ECT2L: variants seen among roughly 807,000 people sequenced by gnomAD.
ECT2L encodes the protein epithelial cell-transforming sequence 2 oncogene-like.
In ECT2L, 126 loss-of-function variants were observed where a neutral mutation model predicts 122.8. The ratio of observed to expected loss-of-function variants is 1.03; its 90% confidence interval spans 0.89 to 1.19. The LOEUF (loss-of-function observed/expected upper bound fraction) is 1.19. Among genes scored for constraint, ECT2L ranks in the 50% most tolerant of loss-of-function variants. ECT2L has a pLI of 0.00. For synonymous variants in ECT2L, 385 were observed against 381.8 expected, an observed-to-expected ratio of 1.01 and a Z score of -0.10; for missense variants, 1,012 against 1,064.1, an observed-to-expected ratio of 0.95 and a Z score of 0.68.
Position 138,838,527 on chromosome 6 carries a change from C to A in ECT2L, c.342+13C>A. 1 of 1,604,108 alleles carries A rather than the reference C, an allele frequency of 6.2e-7. No homozygotes were observed. The highest frequency in any genetic ancestry group is 1.1e-5 in the South Asian group (1 of 89,130). On this transcript the variant is annotated intron_variant, in intron 5 of 21. Coordinates refer to ENST00000541398, the MANE Select transcript of ECT2L (RefSeq NM_001077706.3). ...TTTAACTGAACAGGTTTACTATTTG[C>A]CACTTCCTAGTAATAGGGCACAAGT...
chr6:138,844,427 T>G lies in ECT2L; in HGVS notation c.611T>G (p.Val204Gly), dbSNP rs1448557797. ...TGTTTTTCAGAGGAGTTATTCAAAGTTCGACCCCCTTGGGTGAGTGGAACT... is the reference window on the plus strand; with the variant it reads ...TGTTTTTCAGAGGAGTTATTCAAAGGTCGACCCCCTTGGGTGAGTGGAACT... ...IALRKKELFK[V>G]RPPWVSGTCC... The change falls in exon 7 of 22, where the codon GTT (valine) becomes GGT (glycine). Residue 204 changes from valine (V) to glycine (G), a missense_variant. Val to Gly is a moderately radical substitution (Grantham distance 109). Transcript: ENST00000541398. The G allele has an allele frequency of 2.5e-6, 4 of 1,613,778 alleles. No homozygotes were observed. The South Asian group carries it at 4.4e-5, about 18-fold the overall frequency.
chr6:138,846,406 C>A, intron 7 of ECT2L, 133 bp from the exon 8 acceptor site: 1 of 715,172 alleles, frequency 1.4e-6, no homozygotes, highest in Non-Finnish European at 2.1e-6. Flanking sequence ...TCACAAAACA[C>A]AGGGTGAGGC....
intron 1 of ECT2L, among the ~76,000 whole-genome samples, chr6:138,810,598 G>A (rs1369008175): frequency 6.6e-6 from 1 of 152,194 alleles, no homozygotes; most frequent in African/African-American, 2.4e-5. Context: ...CCCTGGCATG[G>A]TCTAAAAGAG....
chr6:138,797,165 T>C (rs2128365772), intron 1 of ECT2L, among the ~76,000 whole-genome samples: 1 of 152,328 alleles, frequency 6.6e-6, no homozygotes, highest in African/African-American at 2.4e-5. Flanking sequence ...GTGTACTTAA[T>C]AAAAATTATA....
chr6:138,836,358 G>A (rs997106825), intron 4 of ECT2L, among the ~76,000 whole-genome samples: 3 of 147,588 alleles, frequency 2.0e-5, no homozygotes, highest in Non-Finnish European at 3.0e-5. Flanking sequence ...GCGCGATCTC[G>A]GCTCACTGCA....
chr6:138,892,310 T>C (rs576969294), intron 20 of ECT2L, among the ~76,000 whole-genome samples: 1 of 152,258 alleles, frequency 6.6e-6, no homozygotes, highest in East Asian at 1.9e-4. Flanking sequence ...TTTCTTAGAG[T>C]TTTGGTCTCT....
intron 12 of ECT2L, 84 bp from the exon 13 acceptor site, chr6:138,868,019 A>AAAAAAT: frequency 1.2e-6 from 1 of 833,682 alleles, no homozygotes; most frequent in Non-Finnish European, 1.8e-6. Flanking sequence ...AAAAAAAAAA[A>AAAAAAT]GAAACTGTGA....
intron 1 of ECT2L, among the ~76,000 whole-genome samples, chr6:138,807,838 T>A (rs899574999): frequency 1.3e-5 from 2 of 152,134 alleles, no homozygotes; most frequent in South Asian, 4.1e-4. Context: ...TGTATGTGGG[T>A]CTGTTTCTGA....
At chr6:138,822,775 A>T (rs1776311094) in intron 4 of ECT2L, 1 of 1,602,362 alleles carries the variant, frequency 6.2e-7, no homozygotes, top group Non-Finnish European at 8.5e-7. Context: ...CAGTCAACAG[A>T]TTATTATTAT....
In ECT2L at chr6:138,902,656, A is replaced by G; in HGVS notation, c.*29A>G. 1 of 1,611,590 alleles carries G rather than the reference A, an allele frequency of 6.2e-7. No individual in the cohort carries two copies. The highest frequency in any genetic ancestry group is 8.5e-7 in the Non-Finnish European group (1 of 1,178,918). ...CGAACTTGAAAACTTCAGGGGTGCC[A>G]ATTCTCCCCAGCAAAGACAGACAAC... On this transcript the variant is annotated 3_prime_UTR_variant, in exon 22 of 22. Coordinates refer to ENST00000541398, the MANE Select transcript of ECT2L (RefSeq NM_001077706.3).
intron 1 of ECT2L, among the ~76,000 whole-genome samples, chr6:138,800,417 G>T (rs115462086): frequency 0.014 from 2,063 of 152,310 alleles, 42 homozygotes; most frequent in African/African-American, 0.048. Flanking sequence ...GCCTCTCTTG[G>T]TATATAGAAG....
At chr6:138,820,377 A>G (rs191244882) in intron 4 of ECT2L, among the ~76,000 whole-genome samples, 193 of 152,322 alleles carry the variant, frequency 1.3e-3, no homozygotes, top group Non-Finnish European at 2.4e-3. Flanking sequence ...GTGAAGACCA[A>G]TGCTCACTGC....
intron 4 of ECT2L, among the ~76,000 whole-genome samples, chr6:138,833,146 G>T (rs1353610481): frequency 2.0e-5 from 3 of 152,104 alleles, no homozygotes; most frequent in Non-Finnish European, 2.9e-5. Context: ...CCACCACCAG[G>T]TCCCTCCCTT....
chr6:138,891,933 T>C (rs1779043992), intron 20 of ECT2L, among the ~76,000 whole-genome samples: 1 of 152,234 alleles, frequency 6.6e-6, no homozygotes, highest in Non-Finnish European at 1.5e-5. Flanking sequence ...TGTAGACTTT[T>C]TTTAAAATCC....
chr6:138,857,119 ATCT>A (rs1314110449), intron 10 of ECT2L, among the ~76,000 whole-genome samples: 1 of 152,170 alleles, frequency 6.6e-6, no homozygotes, highest in African/African-American at 2.4e-5. Flanking sequence ...GTTGCCTTTC[ATCT>A]TCTCCAGACT....
At position 138,902,520 on chromosome 6, in the gene ECT2L, C is replaced by T; in HGVS notation, c.2608C>T (p.Leu870Phe). 1 of 1,613,088 alleles carries T rather than the reference C, an allele frequency of 6.2e-7. No homozygotes were observed. The highest frequency in any genetic ancestry group is 8.5e-7 in the Non-Finnish European group (1 of 1,179,444). ...DSKYVKNAFI[L>F]QGPKYKWICA... ...TACAGATGTCAAGAATGCATTTATTCTTCAGGGTCCAAAATATAAATGGAT... is the reference window on the plus strand; with the variant it reads ...TACAGATGTCAAGAATGCATTTATTTTTCAGGGTCCAAAATATAAATGGAT... The change falls in exon 22 of 22, where the codon CTT becomes TTT. Residue 870 changes from leucine (L) to phenylalanine (F), a missense_variant. By Grantham distance (22) the Leu-to-Phe change is conservative (BLOSUM62 0). Transcript: ENST00000541398.
intron 1 of ECT2L, among the ~76,000 whole-genome samples, chr6:138,798,961 C>T (rs950791942): frequency 1.5e-4 from 23 of 152,170 alleles, no homozygotes; most frequent in African/African-American, 5.6e-4. Context: ...ACCAATCCAG[C>T]TGTTTCTGTA....
At chr6:138,849,590 T>TTTTA (rs1345215864) in intron 9 of ECT2L, among the ~76,000 whole-genome samples, 156 bp downstream of exon 9, 3 of 149,048 alleles carry the variant, frequency 2.0e-5, no homozygotes, top group African/African-American at 5.0e-5. Context: ...TTTTTTTTTT[T>TTTTA]AATTCAGGGT....
At chr6:138,880,125 T>G (rs1020393114) in intron 14 of ECT2L, among the ~76,000 whole-genome samples, 7 of 152,222 alleles carry the variant, frequency 4.6e-5, no homozygotes, top group African/African-American at 1.4e-4. Flanking sequence ...CTTCAGATTT[T>G]TCATATGTCA....
Sources: allele counts gnomAD v4.1 joint callset (sites outside exome capture counted in the v4.1 genomes callset), GRCh38; gene constraint gnomAD v4.1.1; transcripts MANE v1.5; gene names NCBI Gene and HGNC (gene_info 2026-07-23, HGNC 2026-07-21).